WWC1: variants seen among roughly 807,000 people sequenced by gnomAD.
WWC1 encodes the protein protein KIBRA.
A neutral mutation model predicts 138.4 loss-of-function variants in WWC1; 55 were observed. The ratio of observed to expected loss-of-function variants is 0.40; its 90% CI spans 0.32 to 0.50. The LOEUF (loss-of-function observed/expected upper bound fraction) is 0.50, where lower values mean the gene tolerates loss of function less well. Ranked by LOEUF, WWC1 falls within the 20% of genes least tolerant of loss-of-function variation. The probability of loss-of-function intolerance (pLI) is 0.72; values close to 1 mark genes in which losing one functional copy is unlikely to be tolerated. For missense variants in WWC1, 1,226 were observed against 1,420.4 expected (o/e 0.86, Z 2.20); for synonymous variants, 524 against 564.9 (o/e 0.93, Z 1.03).
At chr5:168,328,349 A>G (rs945514215) in intron 1 of WWC1, among the ~76,000 whole-genome samples, 3 of 152,164 alleles carry the variant, frequency 2.0e-5, no homozygotes, top group Non-Finnish European at 2.9e-5. Flanking sequence ...GCTGGTGAAC[A>G]ACAAGTTCTT....
At chr5:168,366,802 CTTT>C (rs202012790) in intron 1 of WWC1, among the ~76,000 whole-genome samples, 23 of 100,562 alleles carry the variant, frequency 2.3e-4, no homozygotes, top group African/African-American at 9.9e-4. Flanking sequence ...CTTTGAAACA[CTTT>C]TTTTTTTTTT....
At chr5:168,373,334 C>G (rs2152808886) in intron 2 of WWC1, among the ~76,000 whole-genome samples, 1 of 151,982 alleles carries the variant, frequency 6.6e-6, no homozygotes, top group Non-Finnish European at 1.5e-5. Flanking sequence ...GGAATGAAGG[C>G]AGAAATGGGG....
chr5:168,423,760 T>TCGGGCTGCATCA lies in WWC1; in HGVS notation c.1503_1504insGGGCTGCATCAC (p.Ile501_His502insGlyLeuHisHis), dbSNP rs1176184528. On this transcript the variant is annotated inframe_insertion, in exon 11 of 23. Transcript: ENST00000265293. Reference sequence around the variant, plus strand: ...CGGCCCTCAGGCTGCATCACCACCATCCACGAGGATGAGGTGGCCAAGACC... The same window carrying TCGGGCTGCATCA: ...CGGCCCTCAGGCTGCATCACCACCATCGGGCTGCATCACCACGAGGATGAGGTGGCCAAGACC... 1 of 1,613,858 alleles carries TCGGGCTGCATCA rather than the reference T, an allele frequency of 6.2e-7. No individual in the cohort carries two copies. Among genetic ancestry groups the TCGGGCTGCATCA allele is most frequent in the Non-Finnish European group, 8.5e-7 (1 of 1,179,880 alleles).
chr5:168,424,180 G>GCTT (rs1319412102), intron 11 of WWC1, 112 bp downstream of exon 11: 1 of 1,339,870 alleles, frequency 7.5e-7, no homozygotes, highest in Non-Finnish European at 1.0e-6. Context: ...GCTTCTGTGT[G>GCTT]CTGGGTCTTT....
intron 9 of WWC1, chr5:168,416,264 T>G (rs1780645295): frequency 6.6e-6 from 1 of 152,242 alleles, no homozygotes; most frequent in Non-Finnish European, 1.5e-5. Context: ...TCTCTTCCGT[T>G]CTTCATTGGC....
intron 6 of WWC1, among the ~76,000 whole-genome samples, chr5:168,408,074 C>T (rs1467687261): frequency 6.8e-6 from 1 of 146,244 alleles, no homozygotes; most frequent in Non-Finnish European, 1.5e-5. Flanking sequence ...CACTGTGTTG[C>T]CCAGGCTGAT....
intron 1 of WWC1, among the ~76,000 whole-genome samples, chr5:168,355,358 G>T (rs1775313181): frequency 6.6e-6 from 1 of 152,062 alleles, no homozygotes; most frequent in African/African-American, 2.4e-5. Context: ...GCCGGGCATG[G>T]TGGTGGGGGC....
intron 1 of WWC1, among the ~76,000 whole-genome samples, chr5:168,326,624 C>T (rs977382213): frequency 5.9e-5 from 9 of 151,980 alleles, no homozygotes; most frequent in African/African-American, 1.5e-4. Context: ...CTGCAACCTC[C>T]GCCTCCTGTG....
At chr5:168,353,755 C>G (rs762724699) in intron 1 of WWC1, among the ~76,000 whole-genome samples, 1 of 152,168 alleles carries the variant, frequency 6.6e-6, no homozygotes, top group Non-Finnish European at 1.5e-5. Flanking sequence ...TTATTTGGCC[C>G]GATCACTGCC....
intron 1 of WWC1, among the ~76,000 whole-genome samples, chr5:168,361,658 T>C (rs1483238418): frequency 6.6e-6 from 1 of 152,206 alleles, no homozygotes; most frequent in Non-Finnish European, 1.5e-5. Context: ...CCTGGGTCCT[T>C]GGGTGGCTCC....
chr5:168,427,502 A>G (rs1006707255), intron 11 of WWC1, among the ~76,000 whole-genome samples: 1 of 151,692 alleles, frequency 6.6e-6, no homozygotes, highest in Non-Finnish European at 1.5e-5. Context: ...TAAAACACAA[A>G]ATCACATGTG....
At chr5:168,414,703 C>T in intron 9 of WWC1, 113 bp downstream of exon 9, 1 of 1,392,374 alleles carries the variant, frequency 7.2e-7, no homozygotes, top group Non-Finnish European at 9.5e-7. Flanking sequence ...CCACCCTGAG[C>T]ACGCTCAGTT....
chr5:168,426,390 C>A (rs554005153), intron 11 of WWC1, among the ~76,000 whole-genome samples: 56 of 152,112 alleles, frequency 3.7e-4, no homozygotes, highest in Middle Eastern at 6.8e-3. Context: ...GTGAAGTGAC[C>A]CCCTCCTCTC....
chr5:168,441,607 T>C (rs111781278), intron 15 of WWC1, 75 bp from the exon 16 acceptor site: 3 of 1,549,862 alleles, frequency 1.9e-6, no homozygotes, highest in East Asian at 2.3e-5. Flanking sequence ...CATACTGTCC[T>C]CTTGAACCAA....
At chr5:168,360,375 A>G (rs6888156) in intron 1 of WWC1, among the ~76,000 whole-genome samples, 22,701 of 152,130 alleles carry the variant, frequency 0.15, 2,564 homozygotes, top group East Asian at 0.46. Context: ...TATTATTGCT[A>G]TTACTATTAA....
At chr5:168,326,849 T>G (rs190055519) in intron 1 of WWC1, among the ~76,000 whole-genome samples, 15 of 152,272 alleles carry the variant, frequency 9.9e-5, no homozygotes, top group Admixed American at 9.8e-4. Context: ...GACCGGATAG[T>G]CTTATTTCGC....
At chr5:168,337,930 G>A (rs148553296) in intron 1 of WWC1, among the ~76,000 whole-genome samples, 51 of 152,242 alleles carry the variant, frequency 3.3e-4, no homozygotes, top group East Asian at 9.7e-4. Context: ...AAAGAAGGGC[G>A]GGTGCTGGAG....
At chr5:168,337,510 A>G (rs1035050865) in intron 1 of WWC1, among the ~76,000 whole-genome samples, 1 of 152,206 alleles carries the variant, frequency 6.6e-6, no homozygotes, top group Non-Finnish European at 1.5e-5. Flanking sequence ...AGCCCCCGCC[A>G]CAAAGAATCA....
chr5:168,376,333 C>T (rs1252331916), intron 2 of WWC1, among the ~76,000 whole-genome samples: 1 of 152,264 alleles, frequency 6.6e-6, no homozygotes, highest in African/African-American at 2.4e-5. Flanking sequence ...GGATTACAGG[C>T]GTGAGCTGCT....
Sources: allele counts gnomAD v4.1 joint callset (sites outside exome capture counted in the v4.1 genomes callset), GRCh38; gene constraint gnomAD v4.1.1; transcripts MANE v1.5; gene names NCBI Gene and HGNC (gene_info 2026-07-23, HGNC 2026-07-21).